Variants in KIF13B observed in about 807,000 individuals in gnomAD.
The protein encoded by KIF13B is kinesin-like protein KIF13B.
KIF13B carries 127 observed loss-of-function variants against 222.0 expected under a neutral mutation model. The observed-to-expected ratio is 0.57, with a 90% CI of 0.50 to 0.66. The LOEUF (loss-of-function observed/expected upper bound fraction) is 0.66. Among genes scored for constraint, KIF13B ranks in the 30% least tolerant of loss-of-function variants. KIF13B has a pLI of 0.00. For synonymous variants in KIF13B, 976 were observed against 919.0 expected (o/e 1.06, Z -1.12); for missense variants, 2,173 against 2,379.0 (o/e 0.91, Z 1.80).
At position 29,127,129 on chromosome 8, in the gene KIF13B, G is replaced by C; in HGVS notation, c.3215C>G (p.Thr1072Ser). Residue 1072 changes from threonine (T) to serine (S), a missense_variant, in exon 25 of 40, where the codon ACC becomes AGC. Thr to Ser is a moderately conservative substitution (Grantham distance 58, BLOSUM62 1). Transcript: ENST00000524189. ...RPLRAPRTHETFHEEEEDMDS... is the reference protein window; with the variant it reads ...RPLRAPRTHESFHEEEEDMDS... ...ACAGGTATAGAAACTTACATGGAAG[G>C]TCTCATGTGTTCTGGGGGCTCTGAG... 6.2e-7 allele frequency: 1 copy of C among 1,613,620 alleles called. No individual in the cohort carries two copies. Among genetic ancestry groups the C allele is most frequent in the Non-Finnish European group, 8.5e-7 (1 of 1,179,664 alleles).
chr8:29,103,827 A>G (rs1808916299), intron 35 of KIF13B, among the ~76,000 whole-genome samples: 1 of 152,182 alleles, frequency 6.6e-6, no homozygotes, highest in Non-Finnish European at 1.5e-5. Context: ...GGGGACCCCA[A>G]GGAACCAAGA....
intron 16 of KIF13B, among the ~76,000 whole-genome samples, chr8:29,148,092 C>A (rs1018055786): frequency 6.6e-6 from 1 of 151,830 alleles, no homozygotes; most frequent in Non-Finnish European, 1.5e-5. Flanking sequence ...CCCAGCTACT[C>A]AGGAGGCTGA....
At chr8:29,215,119 T>G (rs770286686) in intron 2 of KIF13B, among the ~76,000 whole-genome samples, 5 of 152,144 alleles carry the variant, frequency 3.3e-5, no homozygotes, top group Non-Finnish European at 4.4e-5. Flanking sequence ...GTTTCCCTGC[T>G]CTTTCCCGTC....
intron 37 of KIF13B, among the ~76,000 whole-genome samples, chr8:29,078,354 G>C (rs917791793): frequency 6.6e-6 from 1 of 151,752 alleles, no homozygotes; most frequent in Admixed American, 6.6e-5. Context: ...AAATAGAACG[G>C]GTGTGAACGC....
At chr8:29,078,659 A>G (rs779801669) in intron 37 of KIF13B, among the ~76,000 whole-genome samples, 9 of 152,236 alleles carry the variant, frequency 5.9e-5, no homozygotes, top group Non-Finnish European at 1.0e-4. Context: ...TTTTGCAGCT[A>G]TAAATATTAA....
intron 16 of KIF13B, 107 bp downstream of exon 16, chr8:29,148,470 C>T: frequency 1.5e-6 from 1 of 653,002 alleles, no homozygotes; most frequent in Non-Finnish European, 2.4e-6. Context: ...TATTCACGGG[C>T]ACAGTCTCAG....
intron 37 of KIF13B, 93 bp downstream of exon 37, chr8:29,092,652 C>G: frequency 7.2e-7 from 1 of 1,383,876 alleles, no homozygotes; most frequent in Admixed American, 2.9e-5. Flanking sequence ...TAGCCCCAAC[C>G]CAGAGGCCGC....
intron 2 of KIF13B, among the ~76,000 whole-genome samples, chr8:29,211,018 C>T (rs1814197126): frequency 1.3e-5 from 2 of 152,188 alleles, no homozygotes; most frequent in Admixed American, 6.5e-5. Flanking sequence ...GCCACAATGG[C>T]CCGGCAGAAA....
At chr8:29,073,814 G>C (rs1807426477) in intron 38 of KIF13B, among the ~76,000 whole-genome samples, 1 of 152,064 alleles carries the variant, frequency 6.6e-6, no homozygotes, top group Non-Finnish European at 1.5e-5. Context: ...CACACTTTCA[G>C]GGTAGGAAAT....
chr8:29,089,761 G>C (rs1445945877), intron 37 of KIF13B, among the ~76,000 whole-genome samples: 1 of 151,874 alleles, frequency 6.6e-6, no homozygotes. Flanking sequence ...AAGCGTGGTG[G>C]CAGGTGCCTG....
rs1812654517 is a variant in KIF13B at position 29,180,184 on chromosome 8, T to C, written c.640A>G (p.Asn214Asp). The change falls in exon 8 of 40, where the codon AAC (asparagine) becomes GAC (aspartate). Residue 214 changes from asparagine to aspartate, a missense_variant. Transcript: ENST00000524189. ...GATCGGCTACTCTCCTCGTTCATGT[T>C]GGTTGCAGCAACTGTGCGAGATTTG... Reference protein sequence around the residue: ...GNKSRTVAATNMNEESSRSHA... With the variant: ...GNKSRTVAATDMNEESSRSHA... The C allele has an allele frequency of 6.2e-7, 1 of 1,614,028 alleles. No individual in the cohort carries two copies. The highest frequency in any genetic ancestry group is 8.5e-7 in the Non-Finnish European group (1 of 1,179,878).
In KIF13B at chr8:29,180,084, T is replaced by G. The variant is rs1812648499; in HGVS notation, c.720+20A>C. 6.2e-7 allele frequency: 1 copy of G among 1,612,618 alleles called. No homozygotes were observed. Among genetic ancestry groups the G allele is most frequent in the African/African-American group, 1.3e-5 (1 of 74,842 alleles). ...TCCACTTTAGAAATATAAAAACAGG[T>G]CATGCATCTGAACACCTACCCCAGA... is the stretch of plus-strand genomic sequence containing the variant. On this transcript the variant is annotated intron_variant, in intron 8 of 39. Transcript: ENST00000524189.
At chr8:29,168,233 C>A (rs1200545605) in intron 10 of KIF13B, among the ~76,000 whole-genome samples, 1 of 152,260 alleles carries the variant, frequency 6.6e-6, no homozygotes, top group African/African-American at 2.4e-5. Context: ...AGAAGAGATA[C>A]TGTCTTCATG....
chr8:29,150,932 C>A (rs1008257572), intron 14 of KIF13B, among the ~76,000 whole-genome samples: 55 of 152,206 alleles, frequency 3.6e-4, no homozygotes, highest in African/African-American at 1.3e-3. Flanking sequence ...AAGAGTCACA[C>A]ATCTCTCAAA....
intron 37 of KIF13B, among the ~76,000 whole-genome samples, chr8:29,089,551 A>G (rs1003353522): frequency 5.9e-5 from 9 of 152,190 alleles, no homozygotes; most frequent in Non-Finnish European, 1.3e-4. Flanking sequence ...AATATTGTGG[A>G]GAGGGATAAT....
chr8:29,165,811 A>G (rs1586868357), intron 11 of KIF13B, 39 bp from the exon 12 acceptor site: 1 of 1,440,476 alleles, frequency 6.9e-7, no homozygotes, highest in South Asian at 1.2e-5. Context: ...TGTCTAGAAG[A>G]TGCCCTGGAA....
At chr8:29,249,186 G>A (rs1816170510) in intron 1 of KIF13B, among the ~76,000 whole-genome samples, 1 of 152,074 alleles carries the variant, frequency 6.6e-6, no homozygotes. Context: ...CCATCACTTT[G>A]GGAGGCCGAG....
intron 7 of KIF13B, 82 bp from the exon 8 acceptor site, chr8:29,180,320 G>T (rs192751250): frequency 2.1e-6 from 3 of 1,395,822 alleles, no homozygotes; most frequent in Non-Finnish European, 2.0e-6. Flanking sequence ...AAAATTCATT[G>T]CAAGTTTTGC....
At position 29,148,635 on chromosome 8, in the gene KIF13B, A is replaced by G. The variant is rs767748693; in HGVS notation, c.1755T>C (p.Val585=). The G allele has an allele frequency of 1.9e-6, 3 of 1,612,880 alleles. No homozygotes were observed. The highest frequency in any genetic ancestry group is 2.7e-5 in the African/African-American group (2 of 74,914). ...TCTGTGCGTATTCGTAATTAAAGTT[A>G]ACTTCACTGGACACCTCGCTGGAGG... ...GDSSSEVSSE[V]NFNYEYAQME... is the part of the protein sequence containing the mutation. The change falls in exon 16 of 40, where the codon GTT becomes GTC. Residue 585 remains valine (V), a synonymous_variant. Coordinates refer to ENST00000524189, the MANE Select transcript of KIF13B (RefSeq NM_015254.4).
Sources: allele counts gnomAD v4.1 joint callset (sites outside exome capture counted in the v4.1 genomes callset), GRCh38; gene constraint gnomAD v4.1.1; transcripts MANE v1.5; gene names NCBI Gene and HGNC (gene_info 2026-07-23, HGNC 2026-07-21).